ZNF644: variants seen among roughly 807,000 people sequenced by gnomAD.
ZNF644 encodes zinc finger motif enhancer binding protein 2.
ZNF644 carries 20 observed loss-of-function variants against 108.0 expected under a neutral mutation model. The ratio of observed to expected loss-of-function variants is 0.19; its 90% CI spans 0.13 to 0.27. ZNF644 has a LOEUF of 0.27. Among genes scored for constraint, ZNF644 ranks in the 10% least tolerant of loss-of-function variants. The pLI, the probability that ZNF644 is intolerant of heterozygous loss-of-function variation, is 1.00. For synonymous variants in ZNF644, 542 were observed against 539.1 expected (o/e 1.01, Z -0.08); for missense variants, 1,338 against 1,548.9 (o/e 0.86, Z 2.29).
intron 1 of ZNF644, among the ~76,000 whole-genome samples, chr1:90,984,962 C>T (rs751314940): frequency 1.3e-5 from 2 of 152,140 alleles, no homozygotes; most frequent in Non-Finnish European, 2.9e-5. Flanking sequence ...GAACTGTACA[C>T]TTTAAAATGG....
At chr1:91,001,270 G>T (rs559446702) in intron 1 of ZNF644, among the ~76,000 whole-genome samples, 2 of 151,596 alleles carry the variant, frequency 1.3e-5, no homozygotes, top group African/African-American at 2.4e-5. Context: ...GATGAACATC[G>T]ATGCAAAAAT....
In ZNF644 at chr1:91,017,949, G is replaced by A. The variant is rs535025240; in HGVS notation, c.-18+4041C>T. 5.9e-5 allele frequency among the ~76,000 whole-genome samples: 9 copies of A among 152,252 alleles called. No individual in the cohort carries two copies. In the South Asian group the frequency reaches 1.7e-3, roughly 28 times the overall value. ...TGCACCCGCGCCTGGGAAACAGACCGAGACTCCGTCCCCCAACCAAAAAGA... is the reference window on the plus strand; with the variant it reads ...TGCACCCGCGCCTGGGAAACAGACCAAGACTCCGTCCCCCAACCAAAAAGA... On this transcript the variant is annotated intron_variant, in intron 1 of 5. Transcript: ENST00000337393.
In ZNF644 at chr1:90,959,190, T is replaced by C. The variant is rs576754631; in HGVS notation, c.45-17881A>G. On this transcript the variant is annotated intron_variant, in intron 2 of 5. Transcript: ENST00000337393. ...ATCGTGGTCATTAAAGAAATGCAAA[T>C]CAATACTACAATAATACCACTTCAT... Among the ~76,000 whole-genome samples the C allele has an allele frequency of 7.9e-5, 12 of 152,142 alleles. No homozygotes were observed. The East Asian group carries it at 2.3e-3, about 29-fold the overall frequency.
intron 2 of ZNF644, among the ~76,000 whole-genome samples, chr1:90,949,942 C>G (rs1457621548): frequency 6.6e-6 from 1 of 151,996 alleles, no homozygotes; most frequent in Non-Finnish European, 1.5e-5. Flanking sequence ...CCACCAAACA[C>G]CGTTCCTGAA....
chr1:90,961,371 T>C (rs1654326895), intron 2 of ZNF644, among the ~76,000 whole-genome samples: 1 of 152,196 alleles, frequency 6.6e-6, no homozygotes, highest in Admixed American at 6.5e-5. Flanking sequence ...TGCTGTGATC[T>C]CTAGGACATG....
At chr1:90,956,125 C>T (rs1026511590) in intron 2 of ZNF644, among the ~76,000 whole-genome samples, 1 of 152,164 alleles carries the variant, frequency 6.6e-6, no homozygotes, top group Non-Finnish European at 1.5e-5. Flanking sequence ...ACAACACACA[C>T]AATATTGATC....
At chr1:91,006,767 C>A (rs1011318155) in intron 1 of ZNF644, among the ~76,000 whole-genome samples, 2 of 151,298 alleles carry the variant, frequency 1.3e-5, no homozygotes, top group Admixed American at 6.6e-5. Context: ...CTTCACTCTT[C>A]TCCTGTAATG....
chr1:90,938,632 G>GAGT lies in ZNF644; in HGVS notation c.2719_2721dup (p.Thr907dup), dbSNP rs1371097321. The GAGT allele has an allele frequency of 6.2e-7, 1 of 1,610,546 alleles. No individual in the cohort carries two copies. Among genetic ancestry groups the GAGT allele is most frequent in the African/African-American group, 1.3e-5 (1 of 74,590 alleles). ...AAGCCATCGTTTTGGTCATAACTAAGAGTAGCATTTTCTCCAGGCTCCTGA... is the reference window on the plus strand; with the variant it reads ...AAGCCATCGTTTTGGTCATAACTAAGAGTAGTAGCATTTTCTCCAGGCTCCTGA... On this transcript the variant is annotated inframe_insertion, in exon 3 of 6. Coordinates refer to ENST00000337393, the MANE Select transcript of ZNF644 (RefSeq NM_201269.3). The surrounding 1 kb of genome is among the most constrained non-coding windows in gnomAD (Gnocchi z 4.2).
intron 2 of ZNF644, among the ~76,000 whole-genome samples, chr1:90,965,862 G>C (rs1654812568): frequency 6.6e-6 from 1 of 152,070 alleles, no homozygotes; most frequent in Non-Finnish European, 1.5e-5. Flanking sequence ...CGATTCTCCT[G>C]CTTCAACCTC....
rs139317697 is a variant in ZNF644, at chr1:90,989,401, G to A, written c.-17-7031C>T. ...TTGTCTCTACTAAAAAAAATAAATA[G>A]GTGTGGTAGCACGCGTTTGTAGTAC... On this transcript the variant is annotated intron_variant, in intron 1 of 5. Coordinates refer to ENST00000337393, the MANE Select transcript of ZNF644 (RefSeq NM_201269.3). 7.9e-5 allele frequency among the ~76,000 whole-genome samples: 12 copies of A among 151,748 alleles called. No homozygotes were observed. The East Asian group carries it at 2.1e-3, about 27-fold the overall frequency.
chr1:90,958,232 TAA>T (rs777224217), intron 2 of ZNF644, among the ~76,000 whole-genome samples: 693 of 41,356 alleles, frequency 0.017, 4 homozygotes, highest in African/African-American at 0.054. Flanking sequence ...GCAAAACTCC[TAA>T]AAAAAAAAAA....
intron 2 of ZNF644, among the ~76,000 whole-genome samples, chr1:90,966,517 A>G (rs1654910125): frequency 6.6e-6 from 1 of 152,102 alleles, no homozygotes; most frequent in South Asian, 2.1e-4. Context: ...TGGGAGGCTA[A>G]GGCAGGCAGA....
rs184335878 is a variant in ZNF644 at position 90,980,052 on chromosome 1, G to C, written c.44+2258C>G. On this transcript the variant is annotated intron_variant, in intron 2 of 5. Transcript: ENST00000337393. ...GTGCCAATGCCCCCATCCCATTCCA[G>C]CTAGCATTCTGAATCTCTATTTGCC... Among the ~76,000 whole-genome samples, 61 of 152,156 alleles carry C rather than the reference G, an allele frequency of 4.0e-4. 1 individual carries two copies. The East Asian group carries it at 0.011, about 26-fold the overall frequency.
chr1:91,008,456 CAAG>C (rs973014119), intron 1 of ZNF644, among the ~76,000 whole-genome samples: 73 of 152,284 alleles, frequency 4.8e-4, no homozygotes, highest in African/African-American at 1.6e-3. Context: ...GGGCTATTCC[CAAG>C]AACTCTGGAG....
chr1:90,935,248 T>C (rs777998288), intron 4 of ZNF644, among the ~76,000 whole-genome samples: 1 of 152,166 alleles, frequency 6.6e-6, no homozygotes, highest in Non-Finnish European at 1.5e-5. Flanking sequence ...TAGAATTACA[T>C]CTAACAGTTT....
intron 1 of ZNF644, among the ~76,000 whole-genome samples, chr1:91,004,124 A>C (rs779903297): frequency 2.0e-5 from 3 of 152,146 alleles, no homozygotes; most frequent in Non-Finnish European, 4.4e-5. Context: ...AAGAGGGGAG[A>C]TAAGAATGAG....
intron 1 of ZNF644, among the ~76,000 whole-genome samples, chr1:90,986,201 T>A (rs1206772506): frequency 6.6e-6 from 1 of 151,436 alleles, no homozygotes; most frequent in Non-Finnish European, 1.5e-5. Flanking sequence ...GTATAACACA[T>A]CCTCCCAAAA....
intron 4 of ZNF644, among the ~76,000 whole-genome samples, chr1:90,936,535 T>C (rs921110058): frequency 7.2e-5 from 11 of 152,198 alleles, no homozygotes; most frequent in Non-Finnish European, 2.9e-5. Flanking sequence ...TCACAATGTC[T>C]GCCCCAAAGC....
intron 1 of ZNF644, among the ~76,000 whole-genome samples, chr1:90,991,198 CTGGGAAACTGCAAATT>C (rs1657601974): frequency 1.3e-5 from 2 of 152,256 alleles, no homozygotes; most frequent in Non-Finnish European, 2.9e-5. Context: ...TCATTTGTTA[CTGGGAAACTGCAAATT>C]AAAGGCACAA....
Sources: allele counts gnomAD v4.1 joint callset (sites outside exome capture counted in the v4.1 genomes callset), GRCh38; gene constraint gnomAD v4.1.1; non-coding constraint Gnocchi (gnomAD v3.1); transcripts MANE v1.5; gene names NCBI Gene and HGNC (gene_info 2026-07-23, HGNC 2026-07-21).